QTMAN: variants seen among roughly 807,000 people sequenced by gnomAD.
QTMAN encodes the protein queuosine-tRNA mannosyltransferase.
chr2:144,125,891 T>C, the QTMAN span, among the ~76,000 whole-genome samples: 1 of 151,998 alleles, frequency 6.6e-6, no homozygotes, highest in Admixed American at 6.6e-5. Flanking sequence ...TGAAAATACA[T>C]CTGCCTTATC....
the QTMAN span, among the ~76,000 whole-genome samples, chr2:144,147,319 T>C: frequency 6.6e-6 from 1 of 151,480 alleles, no homozygotes; most frequent in Non-Finnish European, 1.5e-5. Flanking sequence ...TGTCTGTCTA[T>C]ACCCAAATAA....
chr2:144,305,389 CT>C, the QTMAN span, among the ~76,000 whole-genome samples: 17 of 152,302 alleles, frequency 1.1e-4, no homozygotes, highest in East Asian at 3.3e-3. Context: ...TCATGACACC[CT>C]TTAAAAATCA....
At chr2:144,017,342 T>A in the QTMAN span, among the ~76,000 whole-genome samples, 9 of 152,160 alleles carry the variant, frequency 5.9e-5, no homozygotes, top group African/African-American at 1.7e-4. Flanking sequence ...AATAAAAAAA[T>A]TTAAAGATTT....
the QTMAN span, among the ~76,000 whole-genome samples, chr2:144,167,748 C>G: frequency 6.6e-6 from 1 of 152,108 alleles, no homozygotes; most frequent in Non-Finnish European, 1.5e-5. Flanking sequence ...GCTTTCCCTT[C>G]TAAATTACCC....
At chr2:144,025,639 T>C in the QTMAN span, among the ~76,000 whole-genome samples, 8 of 152,278 alleles carry the variant, frequency 5.3e-5, no homozygotes, top group Admixed American at 4.6e-4. Flanking sequence ...GTCACCCAGA[T>C]ACGGTCTTAT....
chr2:143,986,611 C>T, the QTMAN span, among the ~76,000 whole-genome samples: 1 of 152,130 alleles, frequency 6.6e-6, no homozygotes, highest in Admixed American at 6.5e-5. Context: ...TAGTTCAAAG[C>T]AGGTTCATCC....
the QTMAN span, among the ~76,000 whole-genome samples, chr2:144,264,404 C>T: frequency 6.6e-6 from 1 of 152,158 alleles, no homozygotes; most frequent in Admixed American, 6.5e-5. Flanking sequence ...CCACATCCCA[C>T]CACCACCAAA....
the QTMAN span, among the ~76,000 whole-genome samples, chr2:144,203,147 A>AAG: frequency 1.8e-5 from 2 of 112,906 alleles, no homozygotes; most frequent in African/African-American, 7.2e-5. Context: ...TTTTACAATG[A>AAG]AGAGTGTGTG....
chr2:144,311,763 A>T, the QTMAN span, among the ~76,000 whole-genome samples: 1 of 152,146 alleles, frequency 6.6e-6, no homozygotes, highest in Non-Finnish European at 1.5e-5. Context: ...CCAAATTCCC[A>T]TAGTACTGCC....
the QTMAN span, among the ~76,000 whole-genome samples, chr2:143,965,060 CTT>C: frequency 2.1e-5 from 3 of 142,416 alleles, no homozygotes; most frequent in African/African-American, 2.5e-5. Flanking sequence ...TGTTCTTCTT[CTT>C]TTTTTTTTTT....
At chr2:144,240,155 A>G in the QTMAN span, among the ~76,000 whole-genome samples, 1,062 of 152,364 alleles carry the variant, frequency 7.0e-3, 8 homozygotes, top group Non-Finnish European at 8.1e-3. Context: ...CCTTTTAATA[A>G]AAGTACATCA....
At chr2:144,158,578 AGATCTTTACAAGC>A in the QTMAN span, among the ~76,000 whole-genome samples, 1 of 151,978 alleles carries the variant, frequency 6.6e-6, no homozygotes, top group Non-Finnish European at 1.5e-5. Context: ...TAGGGACATC[AGATCTTTACAAGC>A]ATAGGTTTAT....
the QTMAN span, among the ~76,000 whole-genome samples, chr2:144,252,883 G>A: frequency 6.6e-6 from 1 of 152,038 alleles, no homozygotes; most frequent in African/African-American, 2.4e-5. Context: ...AACAAACTGT[G>A]GTATATCCAT....
the QTMAN span, chr2:144,005,865 T>C: frequency 6.6e-6 from 1 of 152,134 alleles, no homozygotes; most frequent in African/African-American, 2.4e-5. Context: ...AAAAGCAGAC[T>C]AGAAATTATT....
the QTMAN span, among the ~76,000 whole-genome samples, chr2:144,155,619 G>A: frequency 6.6e-6 from 1 of 152,096 alleles, no homozygotes; most frequent in Non-Finnish European, 1.5e-5. Flanking sequence ...GGTAATGGAT[G>A]TAAGTTCTAT....
At chr2:144,138,596 G>A in the QTMAN span, among the ~76,000 whole-genome samples, 2 of 152,096 alleles carry the variant, frequency 1.3e-5, no homozygotes, top group Admixed American at 1.3e-4. Context: ...TGGAAAAGAA[G>A]TGTAGATGGG....
the QTMAN span, among the ~76,000 whole-genome samples, chr2:143,974,640 T>G: frequency 6.6e-6 from 1 of 152,214 alleles, no homozygotes; most frequent in Non-Finnish European, 1.5e-5. Flanking sequence ...CTAGGAAAGT[T>G]TGGCATAGGT....
At chr2:144,053,343 A>T in the QTMAN span, among the ~76,000 whole-genome samples, 485 of 152,318 alleles carry the variant, frequency 3.2e-3, 3 homozygotes, top group African/African-American at 0.01. Context: ...ATGTAAAAAT[A>T]AAAATTTAGC....
chr2:144,137,340 G>A, the QTMAN span, among the ~76,000 whole-genome samples: 9 of 151,896 alleles, frequency 5.9e-5, no homozygotes, highest in Non-Finnish European at 1.3e-4. Context: ...GTGCAGAGTT[G>A]CCTGCCCTGC....
Sources: allele counts gnomAD v4.1 joint callset (sites outside exome capture counted in the v4.1 genomes callset), GRCh38; gene constraint gnomAD v4.1.1; transcripts MANE v1.5; gene names NCBI Gene and HGNC (gene_info 2026-07-23, HGNC 2026-07-21).